CADPS: variants seen among roughly 807,000 people sequenced by gnomAD.
CADPS encodes calcium-dependent secretion activator 1.
In CADPS, 57 loss-of-function variants were observed where a neutral mutation model predicts 167.3. That is an observed-to-expected ratio of 0.34 (90% CI 0.28 to 0.42). The LOEUF is 0.42. Ranked by LOEUF, CADPS falls within the 20% of genes least tolerant of loss-of-function variation. The pLI, the probability that CADPS is intolerant of heterozygous loss-of-function variation, is 1.00. For synonymous variants in CADPS, 676 were observed against 635.3 expected (o/e 1.06, Z -0.96); for missense variants, 1,414 against 1,738.1 (o/e 0.81, Z 3.32).
At chr3:62,715,111 T>G (rs76607684) in intron 3 of CADPS, among the ~76,000 whole-genome samples, 3,148 of 152,282 alleles carry the variant, frequency 0.021, 93 homozygotes, top group African/African-American at 0.071. Context: ...ACAGATGACA[T>G]GATGTTTGAA....
chr3:62,625,660 TC>T (rs1293144645), intron 6 of CADPS: 1 of 150,958 alleles, frequency 6.6e-6, no homozygotes, highest in East Asian at 1.9e-4. Context: ...GAACCTACGT[TC>T]CCTACACAGT....
chr3:62,655,872 C>T (rs535857317), intron 4 of CADPS, among the ~76,000 whole-genome samples: 27 of 152,052 alleles, frequency 1.8e-4, no homozygotes, highest in Admixed American at 5.9e-4. Context: ...GAAAACCAGC[C>T]GAGAGGTGAT....
intron 4 of CADPS, among the ~76,000 whole-genome samples, chr3:62,661,106 A>G (rs1362344203): frequency 6.6e-6 from 1 of 152,214 alleles, no homozygotes; most frequent in Non-Finnish European, 1.5e-5. Context: ...TGGCATGACT[A>G]CTATTAATAA....
chr3:62,555,174 GA>G (rs1213578485), intron 10 of CADPS, among the ~76,000 whole-genome samples: 1 of 152,234 alleles, frequency 6.6e-6, no homozygotes, highest in African/African-American at 2.4e-5. Context: ...TGGAAAGATA[GA>G]AGAAGCTGCT....
chr3:62,753,364 A>T lies in CADPS; in HGVS notation c.888+77T>A. ...AAGTTTTAATCCTTTTTTTAAAAAAATCAAGAAGTATCTCATAGAAGTTGG... is the reference window on the plus strand; with the variant it reads ...AAGTTTTAATCCTTTTTTTAAAAAATTCAAGAAGTATCTCATAGAAGTTGG... On this transcript the variant is annotated intron_variant, in intron 3 of 29. Transcript: ENST00000383710. The surrounding 1 kb of genome is among the most constrained non-coding windows in gnomAD (Gnocchi z 4.6). 9.1e-7 allele frequency: 1 copy of T among 1,099,784 alleles called. No homozygotes were observed. The highest frequency in any genetic ancestry group is 1.5e-5 in the South Asian group (1 of 66,132). The allele number at this position is 1,099,784 out of a possible 1,614,324, so 68.1% of individuals were successfully genotyped here.
At chr3:62,436,999 C>CACACACACAT (rs1455035660) in intron 28 of CADPS, among the ~76,000 whole-genome samples, 1 of 151,756 alleles carries the variant, frequency 6.6e-6, no homozygotes, top group Non-Finnish European at 1.5e-5. Context: ...GGAACAAAAA[C>CACACACACAT]ACACACACAT....
intron 3 of CADPS, among the ~76,000 whole-genome samples, chr3:62,688,742 C>A (rs2078551081): frequency 6.6e-6 from 1 of 152,016 alleles, no homozygotes; most frequent in South Asian, 2.1e-4. Context: ...TCAGGCTGAC[C>A]TCTAAGAACT....
intron 1 of CADPS, among the ~76,000 whole-genome samples, chr3:62,862,418 C>T (rs1304842328): frequency 6.6e-6 from 1 of 151,798 alleles, no homozygotes; most frequent in Non-Finnish European, 1.5e-5. Flanking sequence ...GGTTTCACCA[C>T]GTTGGCCAGG....
intron 3 of CADPS, among the ~76,000 whole-genome samples, chr3:62,733,974 C>T (rs773453257): frequency 2.0e-5 from 3 of 152,072 alleles, no homozygotes; most frequent in Admixed American, 6.6e-5. Flanking sequence ...TCTTTCATTC[C>T]GTTTTACGGT....
chr3:62,544,674 C>G lies in CADPS; in HGVS notation c.1966+5229G>C, dbSNP rs1441412844. Among the ~76,000 whole-genome samples, 1 of 152,040 alleles carries G rather than the reference C, an allele frequency of 6.6e-6. No homozygotes were observed. Among genetic ancestry groups the G allele is most frequent in the Admixed American group, 6.6e-5 (1 of 15,252 alleles). ...GCAATTATGCACACATCACATGCAT[C>G]CTAGTTTCAGTATGGAAGCTTACAT... is the stretch of plus-strand genomic sequence containing the variant. On this transcript the variant is annotated intron_variant, in intron 11 of 29. Coordinates refer to ENST00000383710, the MANE Select transcript of CADPS (RefSeq NM_003716.4). This position sits in a 1 kb window ranked among gnomAD's most constrained non-coding sequence, Gnocchi z 4.4.
chr3:62,670,002 T>G (rs951717915), intron 3 of CADPS, among the ~76,000 whole-genome samples: 5 of 152,164 alleles, frequency 3.3e-5, no homozygotes, highest in African/African-American at 1.2e-4. Context: ...TAGCTCGAGA[T>G]AGAGGGAATA....
chr3:62,534,380 T>C (rs777589537), intron 12 of CADPS, among the ~76,000 whole-genome samples: 8 of 152,106 alleles, frequency 5.3e-5, no homozygotes, highest in Non-Finnish European at 1.0e-4. Flanking sequence ...GAATCTTCAA[T>C]TGACAACATG....
intron 26 of CADPS, among the ~76,000 whole-genome samples, chr3:62,456,795 TA>T (rs1386502628): frequency 5.9e-5 from 9 of 151,310 alleles, no homozygotes; most frequent in African/African-American, 2.2e-4. Context: ...TATAATAATA[TA>T]CTGAAATATA....
At chr3:62,812,728 T>G (rs969797578) in intron 1 of CADPS, among the ~76,000 whole-genome samples, 5 of 152,190 alleles carry the variant, frequency 3.3e-5, no homozygotes, top group Admixed American at 3.3e-4. Flanking sequence ...AGGAAATTGA[T>G]GTTGGACCCC....
chr3:62,552,773 T>C (rs2077519343), intron 10 of CADPS, among the ~76,000 whole-genome samples: 1 of 152,238 alleles, frequency 6.6e-6, no homozygotes, highest in Non-Finnish European at 1.5e-5. Flanking sequence ...AAATAGCTAC[T>C]TCTTTATATG....
intron 3 of CADPS, among the ~76,000 whole-genome samples, chr3:62,740,629 A>G (rs2080010972): frequency 6.6e-6 from 1 of 152,134 alleles, no homozygotes; most frequent in Non-Finnish European, 1.5e-5. Context: ...CAGCTGACCA[A>G]TCAAACCCCA....
intron 3 of CADPS, among the ~76,000 whole-genome samples, chr3:62,684,139 G>C (rs999775716): frequency 6.6e-6 from 1 of 151,956 alleles, no homozygotes; most frequent in Admixed American, 6.6e-5. Flanking sequence ...AATTCTTTTG[G>C]ATGGGAAATA....
intron 7 of CADPS, among the ~76,000 whole-genome samples, chr3:62,591,996 A>G (rs1359401774): frequency 1.3e-5 from 2 of 152,182 alleles, no homozygotes; most frequent in African/African-American, 2.4e-5. Flanking sequence ...TTACATTTCA[A>G]ATCAAAGTCT....
chr3:62,822,312 A>C (rs1416964032), intron 1 of CADPS, among the ~76,000 whole-genome samples: 1 of 152,180 alleles, frequency 6.6e-6, no homozygotes, highest in Non-Finnish European at 1.5e-5. Flanking sequence ...ACCTTCCCTC[A>C]AATGCCTAAT....
Sources: gnomAD v4.1 joint callset for allele counts (sites outside exome capture counted in the v4.1 genomes callset) on GRCh38, gnomAD v4.1.1 for gene constraint, Gnocchi (gnomAD v3.1) non-coding constraint, MANE v1.5 for transcripts, NCBI Gene and HGNC (gene_info 2026-07-23, HGNC 2026-07-21) for gene names.